Variants in NALF1 observed in about 807,000 individuals in gnomAD.
The protein encoded by NALF1 is NALCN channel auxiliary factor 1, also known as family with sequence similarity 155 member A.
NALF1 carries 3 observed loss-of-function variants against 48.4 expected under a neutral mutation model. That is an observed-to-expected ratio of 0.06 (90% confidence interval 0.03 to 0.16). The LOEUF (loss-of-function observed/expected upper bound fraction) is 0.16, where lower values mean the gene tolerates loss of function less well. NALF1 is among the 10% of genes least tolerant of loss of function. The pLI is 1.00. For synonymous variants in NALF1, 262 were observed against 245.7 expected (o/e 1.07, Z -0.62); for missense variants, 526 against 571.5 (o/e 0.92, Z 0.81).
chr13:107,395,573 A>C (rs1298650604), intron 1 of NALF1, among the ~76,000 whole-genome samples: 1 of 152,094 alleles, frequency 6.6e-6, no homozygotes, highest in African/African-American at 2.4e-5. Flanking sequence ...TTCCTACGTC[A>C]TTAGGGCTTT....
chr13:107,640,035 T>C (rs937957954), intron 1 of NALF1, among the ~76,000 whole-genome samples: 1 of 152,212 alleles, frequency 6.6e-6, no homozygotes, highest in Non-Finnish European at 1.5e-5. Flanking sequence ...GCAAATCTTA[T>C]ATTCAAAAGG....
chr13:107,659,121 AC>A, intron 1 of NALF1, among the ~76,000 whole-genome samples: 1 of 150,908 alleles, frequency 6.6e-6, no homozygotes, highest in Non-Finnish European at 1.5e-5. Flanking sequence ...ACAGACACAC[AC>A]ACACACACAC....
intron 1 of NALF1, among the ~76,000 whole-genome samples, chr13:107,412,743 A>G (rs1188771001): frequency 6.6e-6 from 1 of 152,230 alleles, no homozygotes; most frequent in Non-Finnish European, 1.5e-5. Context: ...TATCAAAAAA[A>G]TGCATATCTA....
intron 1 of NALF1, among the ~76,000 whole-genome samples, chr13:107,620,711 A>G (rs769814067): frequency 1.3e-5 from 2 of 152,158 alleles, no homozygotes; most frequent in Non-Finnish European, 2.9e-5. Context: ...TGACAGATAT[A>G]TATGGGCCTA....
intron 1 of NALF1, among the ~76,000 whole-genome samples, chr13:107,648,125 C>T (rs931923477): frequency 2.6e-5 from 4 of 152,142 alleles, no homozygotes; most frequent in African/African-American, 9.7e-5. Flanking sequence ...CCATACACAT[C>T]TCCCTTGTTG....
chr13:107,283,437 G>A (rs1347231740), intron 1 of NALF1, among the ~76,000 whole-genome samples: 1 of 142,558 alleles, frequency 7.0e-6, no homozygotes, highest in African/African-American at 2.4e-5. Flanking sequence ...CAGCAACCAG[G>A]TGAATGCTGA....
At position 107,508,752 on chromosome 13, in the gene NALF1, A is replaced by G. The variant is rs1042971111; in HGVS notation, c.916-297997T>C. Among the ~76,000 whole-genome samples, 30 of 152,102 alleles carry G rather than the reference A, an allele frequency of 2.0e-4. 1 individual carries two copies. Among genetic ancestry groups the G allele is most frequent in the Admixed American group, 1.3e-4 (2 of 15,256 alleles). On this transcript the variant is annotated intron_variant, in intron 1 of 2. Transcript: ENST00000375915. ...GCTTGCAACTACGCACACGCCCCCA[A>G]TCTCACAACTGATGCAAAATCAGAA... is the stretch of plus-strand genomic sequence containing the variant.
At chr13:107,545,981 A>C (rs1322262132) in intron 1 of NALF1, among the ~76,000 whole-genome samples, 1 of 152,106 alleles carries the variant, frequency 6.6e-6, no homozygotes, top group Non-Finnish European at 1.5e-5. Flanking sequence ...TGTTAGATAA[A>C]AACAGGGGCT....
intron 2 of NALF1, among the ~76,000 whole-genome samples, chr13:107,196,207 TAATGCCTGGGTGATG>T (rs1879388938): frequency 6.6e-6 from 1 of 151,934 alleles, no homozygotes; most frequent in Non-Finnish European, 1.5e-5. Flanking sequence ...GTACTAGGCT[TAATGCCTGGGTGATG>T]AAATAATCTG....
chr13:107,750,401 C>A (rs1372180621), intron 1 of NALF1, among the ~76,000 whole-genome samples: 1 of 152,148 alleles, frequency 6.6e-6, no homozygotes, highest in South Asian at 2.1e-4. Flanking sequence ...AACTCATATT[C>A]AACTGAGCTG....
At chr13:107,393,622 G>A (rs148582528) in intron 1 of NALF1, among the ~76,000 whole-genome samples, 4 of 152,202 alleles carry the variant, frequency 2.6e-5, no homozygotes, top group Admixed American at 1.3e-4. Context: ...ATGAAAAGAC[G>A]GAGACAATTA....
chr13:107,560,252 T>C (rs1877607121), intron 1 of NALF1, among the ~76,000 whole-genome samples: 1 of 152,106 alleles, frequency 6.6e-6, no homozygotes, highest in African/African-American at 2.4e-5. Context: ...CAATAGTGGA[T>C]TCCAGAAAAG....
At chr13:107,483,748 T>A (rs1253650003) in intron 1 of NALF1, among the ~76,000 whole-genome samples, 1 of 152,040 alleles carries the variant, frequency 6.6e-6, no homozygotes, top group Admixed American at 6.6e-5. Context: ...ACTTGTGACA[T>A]TACTATACTA....
chr13:107,421,752 G>A (rs1457193721), intron 1 of NALF1, among the ~76,000 whole-genome samples: 7 of 152,158 alleles, frequency 4.6e-5, no homozygotes, highest in African/African-American at 1.7e-4. Context: ...GAAACTGTCA[G>A]TAAGTGTCAC....
intron 1 of NALF1, among the ~76,000 whole-genome samples, chr13:107,496,710 T>TA (rs752872512): frequency 2.6e-5 from 4 of 152,158 alleles, no homozygotes; most frequent in Non-Finnish European, 5.9e-5. Flanking sequence ...TTATTGGACT[T>TA]ACAGTTCCAC....
chr13:107,250,941 G>A (rs1880687679), intron 1 of NALF1, among the ~76,000 whole-genome samples: 1 of 152,026 alleles, frequency 6.6e-6, no homozygotes, highest in Non-Finnish European at 1.5e-5. Flanking sequence ...TTCATCTTCT[G>A]TCATGATTGT....
At chr13:107,519,218 T>A (rs1409115981) in intron 1 of NALF1, among the ~76,000 whole-genome samples, 2 of 152,040 alleles carry the variant, frequency 1.3e-5, no homozygotes, top group African/African-American at 4.8e-5. Context: ...TATTCAAAAT[T>A]CTCAAAGAGG....
chr13:107,181,572 G>GT (rs145158016), intron 2 of NALF1, among the ~76,000 whole-genome samples: 34 of 126,158 alleles, frequency 2.7e-4, no homozygotes, highest in Non-Finnish European at 4.8e-4. Context: ...TCTTTAGAAA[G>GT]TTTTTTTTTC....
At chr13:107,236,334 C>T (rs1241717648) in intron 1 of NALF1, among the ~76,000 whole-genome samples, 1 of 152,122 alleles carries the variant, frequency 6.6e-6, no homozygotes, top group East Asian at 1.9e-4. Context: ...TCAATCTCCC[C>T]TATAGAGGAG....
Sources: allele counts gnomAD v4.1 joint callset (sites outside exome capture counted in the v4.1 genomes callset), GRCh38; gene constraint gnomAD v4.1.1; transcripts MANE v1.5; gene names NCBI Gene and HGNC (gene_info 2026-07-23, HGNC 2026-07-21).